Variants in TRAPPC10 observed in about 807,000 individuals in gnomAD.
TRAPPC10 encodes the protein trafficking protein particle complex subunit 10.
In TRAPPC10, 23 loss-of-function variants were observed where a neutral mutation model predicts 125.5. The observed-to-expected ratio is 0.18, with a 90% CI of 0.13 to 0.26. The LOEUF is 0.26. TRAPPC10 is among the 10% of genes least tolerant of loss of function. The pLI, the probability that TRAPPC10 is intolerant of heterozygous loss-of-function variation, is 1.00. For missense variants in TRAPPC10, 1,123 were observed against 1,308.4 expected (o/e 0.86, Z 2.19); for synonymous variants, 509 against 518.0 (o/e 0.98, Z 0.24).
rs2036222085 is a variant in TRAPPC10, at chr21:44,063,741, C to G, written c.994C>G (p.Leu332Val). ...GCCGTGGGAGGTGGCCCAGCGCGCCCTAGAGCTGCTGCACAACTGCGTGCA... is the reference window on the plus strand; with the variant it reads ...GCCGTGGGAGGTGGCCCAGCGCGCCGTAGAGCTGCTGCACAACTGCGTGCA... ...QRPWEVAQRA[L>V]ELLHNCVQEL... The change falls in exon 7 of 23, where the codon CTA becomes GTA. Residue 332 changes from leucine to valine, a missense_variant. Transcript: ENST00000291574. This position sits in a 1 kb window ranked among gnomAD's most constrained non-coding sequence, Gnocchi z 4.4. 1.9e-6 allele frequency: 3 copies of G among 1,614,032 alleles called. No individual in the cohort carries two copies. Among genetic ancestry groups the G allele is most frequent in the Non-Finnish European group, 2.5e-6 (3 of 1,180,044 alleles).
At chr21:44,091,170 G>A (rs1408836589) in intron 18 of TRAPPC10, among the ~76,000 whole-genome samples, 10 of 152,150 alleles carry the variant, frequency 6.6e-5, no homozygotes, top group Non-Finnish European at 1.3e-4. Flanking sequence ...CAGCCTGGGC[G>A]ACAAGAGCAA....
intron 1 of TRAPPC10, among the ~76,000 whole-genome samples, chr21:44,020,218 C>G (rs2032355976): frequency 6.6e-6 from 1 of 151,762 alleles, no homozygotes; most frequent in Non-Finnish European, 1.5e-5. Context: ...ACTCCGCCTC[C>G]TGGGTTCACG....
At position 44,070,128 on chromosome 21, in the gene TRAPPC10, C is replaced by T. The variant is rs533297187; in HGVS notation, c.1039-4196C>T. On this transcript the variant is annotated intron_variant, in intron 7 of 22. Transcript: ENST00000291574. ...GGAGTTCCAGCGGGAGCTGCCTTCACGGGAGGCATAGCAGGCGTTCACCTA... is the reference window on the plus strand; with the variant it reads ...GGAGTTCCAGCGGGAGCTGCCTTCATGGGAGGCATAGCAGGCGTTCACCTA... 2.6e-4 allele frequency among the ~76,000 whole-genome samples: 40 copies of T among 152,172 alleles called. No homozygotes were observed. In the South Asian group the frequency reaches 6.4e-3, roughly 24 times the overall value.
intron 7 of TRAPPC10, among the ~76,000 whole-genome samples, 190 bp from the exon 8 acceptor site, chr21:44,074,134 T>C (rs2037095556): frequency 6.6e-6 from 1 of 152,194 alleles, no homozygotes; most frequent in South Asian, 2.1e-4. Context: ...TCTCTTCCCA[T>C]GTGAATGTAG....
intron 7 of TRAPPC10, among the ~76,000 whole-genome samples, 199 bp from the exon 8 acceptor site, chr21:44,074,125 C>G (rs1305680202): frequency 6.6e-6 from 1 of 152,214 alleles, no homozygotes; most frequent in Non-Finnish European, 1.5e-5. Flanking sequence ...CACTGCTTCT[C>G]TCTTCCCATG....
intron 11 of TRAPPC10, among the ~76,000 whole-genome samples, chr21:44,079,324 G>A (rs2037508091): frequency 6.6e-6 from 1 of 152,196 alleles, no homozygotes; most frequent in African/African-American, 2.4e-5. Context: ...GACCAACGAT[G>A]TGTTGTGCTC....
At position 44,083,289 on chromosome 21, in the gene TRAPPC10, C is replaced by T. The variant is rs376395760; in HGVS notation, c.2225C>T (p.Thr742Ile). 6.2e-7 allele frequency: 1 copy of T among 1,613,608 alleles called. No homozygotes were observed. The highest frequency in any genetic ancestry group is 1.1e-5 in the South Asian group (1 of 91,072). Residue 742 changes from threonine to isoleucine, a missense_variant, in exon 14 of 23, where the codon ACA becomes ATA. Around this residue, in one of 4 missense-constraint regions of TRAPPC10, gnomAD observed 840 missense variants for 902.0 expected, o/e 0.93. Transcript: ENST00000291574. The part of the protein sequence containing the change: ...VTLEPGANQI[T>I]FRTQAKEPGT... Reference sequence around the variant, plus strand: ...CTGGAACCAGGGGCCAACCAGATAACATTCAGGACTCAGGTATGCGTTCAG... The same window carrying T: ...CTGGAACCAGGGGCCAACCAGATAATATTCAGGACTCAGGTATGCGTTCAG...
At chr21:44,078,651 C>T (rs1048740533) in intron 11 of TRAPPC10, among the ~76,000 whole-genome samples, 3 of 152,194 alleles carry the variant, frequency 2.0e-5, no homozygotes, top group African/African-American at 7.2e-5. Context: ...AGAGTCACAG[C>T]TAGAATGTAG....
At chr21:44,029,404 A>G (rs553374857) in intron 1 of TRAPPC10, among the ~76,000 whole-genome samples, 1 of 152,220 alleles carries the variant, frequency 6.6e-6, no homozygotes, top group South Asian at 2.1e-4. Flanking sequence ...GCTCTTCACC[A>G]TCTTTCATGT....
intron 7 of TRAPPC10, among the ~76,000 whole-genome samples, chr21:44,069,303 G>A (rs1400529595): frequency 1.3e-5 from 2 of 152,104 alleles, no homozygotes; most frequent in Admixed American, 6.5e-5. Flanking sequence ...ACTCCAGGGC[G>A]TACTGTGAAG....
At chr21:44,067,125 C>T (rs532072233) in intron 7 of TRAPPC10, among the ~76,000 whole-genome samples, 1 of 152,328 alleles carries the variant, frequency 6.6e-6, no homozygotes, top group African/African-American at 2.4e-5. Context: ...CAGGACTCCT[C>T]CAGACCCCAG....
At position 44,087,022 on chromosome 21, in the gene TRAPPC10, T is replaced by G; in HGVS notation, c.2539+62T>G. On this transcript the variant is annotated intron_variant, in intron 16 of 22. Transcript: ENST00000291574. The surrounding 1 kb of genome is among the most constrained non-coding windows in gnomAD (Gnocchi z 4.6). ...CACCTTGCCCTGCACTGTGTGGGTG[T>G]GAGGGTGAGCCTGGCCTTGCTGCCA... 6.3e-7 allele frequency: 1 copy of G among 1,577,330 alleles called. No individual in the cohort carries two copies. The highest frequency in any genetic ancestry group is 8.7e-7 in the Non-Finnish European group (1 of 1,155,814).
At chr21:44,039,287 T>C (rs2034240281) in intron 3 of TRAPPC10, among the ~76,000 whole-genome samples, 1 of 152,270 alleles carries the variant, frequency 6.6e-6, no homozygotes, top group Non-Finnish European at 1.5e-5. Context: ...AAGGGCCTTC[T>C]GCTCAGGCAG....
intron 13 of TRAPPC10, among the ~76,000 whole-genome samples, chr21:44,081,024 T>TTTTTTTTTTTTTTTTTTTTTTTC (rs1235681960): frequency 7.2e-6 from 1 of 137,946 alleles, no homozygotes; most frequent in Non-Finnish European, 1.5e-5. Context: ...TTTCTTTTTT[T>TTTTTTTTTTTTTTTTTTTTTTTC]TTTTTTTTTT....
At chr21:44,031,758 A>G (rs1680054043) in intron 1 of TRAPPC10, among the ~76,000 whole-genome samples, 1 of 152,240 alleles carries the variant, frequency 6.6e-6, no homozygotes, top group East Asian at 1.9e-4. Context: ...GAGGCTGTAG[A>G]ACACAGCAAA....
chr21:44,083,066 C>CGCGCTG lies in TRAPPC10; in HGVS notation c.2002_2003insGCGCTG (p.Gln668delinsArgAlaGlu). 6.2e-7 allele frequency: 1 copy of CGCGCTG among 1,614,052 alleles called. No homozygotes were observed. On this transcript the variant is annotated protein_altering_variant, in exon 14 of 23. Transcript: ENST00000291574. ...CGAGACCGCACCTTTCCCTGTATCC[C>CGCGCTG]AAAACAGTTTGCCCGCGCTGGAGTT...
At chr21:44,013,006 G>GTA (rs2031340129) in intron 1 of TRAPPC10, among the ~76,000 whole-genome samples, 1 of 152,222 alleles carries the variant, frequency 6.6e-6, no homozygotes, top group East Asian at 1.9e-4. Flanking sequence ...CAGAGTTGCA[G>GTA]GCGTTGGCGA....
chr21:44,092,734 ATAATT>A (rs2038671874), intron 19 of TRAPPC10, among the ~76,000 whole-genome samples: 1 of 151,726 alleles, frequency 6.6e-6, no homozygotes, highest in Non-Finnish European at 1.5e-5. Context: ...GGTTCCTAAA[ATAATT>A]TAAATATAAA....
chr21:44,026,607 A>G (rs2033099016), intron 1 of TRAPPC10, among the ~76,000 whole-genome samples: 1 of 152,242 alleles, frequency 6.6e-6, no homozygotes, highest in African/African-American at 2.4e-5. Context: ...TTCTTTTGTT[A>G]ATAGGCTTAA....
Sources: allele counts gnomAD v4.1 joint callset (sites outside exome capture counted in the v4.1 genomes callset), GRCh38; gene constraint gnomAD v4.1.1; regional missense constraint gnomAD v4.1.1; non-coding constraint Gnocchi (gnomAD v3.1); transcripts MANE v1.5; gene names NCBI Gene and HGNC (gene_info 2026-07-23, HGNC 2026-07-21).